THSD7B: variants seen among roughly 807,000 people sequenced by gnomAD.
THSD7B encodes thrombospondin type-1 domain-containing protein 7B.
In THSD7B, 138 loss-of-function variants were observed where a neutral mutation model predicts 213.6. The ratio of observed to expected loss-of-function variants is 0.65; its 90% CI spans 0.56 to 0.74. The LOEUF is 0.74. Ranked by LOEUF, THSD7B falls within the 30% of genes least tolerant of loss-of-function variation. The pLI is 0.00. For synonymous variants in THSD7B, 742 were observed against 687.0 expected (o/e 1.08, Z -1.25); for missense variants, 1,931 against 1,991.5 (o/e 0.97, Z 0.58).
At chr2:137,203,134 A>T (rs1680913093) in intron 7 of THSD7B, among the ~76,000 whole-genome samples, 1 of 152,090 alleles carries the variant, frequency 6.6e-6, no homozygotes, top group African/African-American at 2.4e-5. Flanking sequence ...CAAAAACAGA[A>T]ATCTGATGTA....
chr2:137,187,278 G>C (rs1680568861), intron 7 of THSD7B, among the ~76,000 whole-genome samples: 1 of 152,106 alleles, frequency 6.6e-6, no homozygotes, highest in South Asian at 2.1e-4. Flanking sequence ...TGGACAGGTG[G>C]CTTGTGAACC....
chr2:137,506,265 G>A (rs879740963), intron 15 of THSD7B, among the ~76,000 whole-genome samples: 5 of 152,178 alleles, frequency 3.3e-5, no homozygotes, highest in Admixed American at 1.3e-4. Flanking sequence ...GAACTGAGTC[G>A]TGGCCACAAA....
intron 15 of THSD7B, among the ~76,000 whole-genome samples, chr2:137,554,940 G>A (rs558035159): frequency 2.0e-5 from 3 of 152,264 alleles, no homozygotes; most frequent in East Asian, 3.9e-4. Context: ...AGGGAGCCCC[G>A]CTCACTGCTA....
At chr2:137,065,957 G>A (rs1687367378) in intron 3 of THSD7B, among the ~76,000 whole-genome samples, 1 of 146,564 alleles carries the variant, frequency 6.8e-6, no homozygotes, top group Non-Finnish European at 1.5e-5. Flanking sequence ...ATTTGCATAT[G>A]AAAAATAAAT....
At chr2:136,937,818 G>A (rs62172346) in intron 2 of THSD7B, among the ~76,000 whole-genome samples, 15,413 of 152,240 alleles carry the variant, frequency 0.1, 1,016 homozygotes, top group East Asian at 0.15. Context: ...CTTTGCAGTT[G>A]AAGAGATTTT....
intron 20 of THSD7B, among the ~76,000 whole-genome samples, chr2:137,632,863 C>G (rs990383735): frequency 6.6e-6 from 1 of 152,102 alleles, no homozygotes; most frequent in Non-Finnish European, 1.5e-5. Flanking sequence ...GTCTGTTTTG[C>G]TCTGAAAAGC....
intron 10 of THSD7B, among the ~76,000 whole-genome samples, chr2:137,244,812 G>C (rs905453627): frequency 1.3e-5 from 2 of 151,988 alleles, no homozygotes; most frequent in African/African-American, 4.8e-5. Flanking sequence ...TTTATAGCTT[G>C]GGACTAAGAT....
At chr2:136,961,355 G>A (rs1034620493) in intron 2 of THSD7B, among the ~76,000 whole-genome samples, 5 of 151,132 alleles carry the variant, frequency 3.3e-5, no homozygotes, top group African/African-American at 1.2e-4. Context: ...CGAGTAGCTG[G>A]GACTACAGGC....
chr2:137,512,236 A>G (rs922594782), intron 15 of THSD7B: 4 of 152,234 alleles, frequency 2.6e-5, no homozygotes, highest in Non-Finnish European at 4.4e-5. Flanking sequence ...TGCTTTCTAA[A>G]CAGTGTAATC....
rs144712627 is a variant in THSD7B, at chr2:137,580,544, C to T, written c.3423+7988C>T. On this transcript the variant is annotated intron_variant, in intron 17 of 27. Coordinates refer to ENST00000409968, the MANE Select transcript of THSD7B (RefSeq NM_001316349.2). ...TTTCTTGATATTCACATTATCTTTCCTAGACATACATACTTTATTAGGAAG... is the reference window on the plus strand; with the variant it reads ...TTTCTTGATATTCACATTATCTTTCTTAGACATACATACTTTATTAGGAAG... Among the ~76,000 whole-genome samples the T allele has an allele frequency of 5.2e-3, 787 of 152,158 alleles. 6 individuals are homozygous for T. Among genetic ancestry groups the T allele is most frequent in the African/African-American group, 0.018 (751 of 41,520 alleles).
At position 136,904,081 on chromosome 2, in the gene THSD7B, A is replaced by AAGAATAAG. The variant is rs1684112291; in HGVS notation, c.139+21767_139+21774dup. 2.0e-5 allele frequency among the ~76,000 whole-genome samples: 3 copies of AAGAATAAG among 151,918 alleles called. No individual in the cohort carries two copies. In the East Asian group the frequency reaches 5.8e-4, roughly 29 times the overall value. On this transcript the variant is annotated intron_variant, in intron 2 of 27. Coordinates refer to ENST00000409968, the MANE Select transcript of THSD7B (RefSeq NM_001316349.2). ...CCCAAATGTTCCTCAAGGAGGAGGG[A>AAGAATAAG]AGAATAAGAGGAGGCCTTTTATGGG...
At chr2:137,094,356 A>G (rs1289007207) in intron 3 of THSD7B, among the ~76,000 whole-genome samples, 2 of 152,202 alleles carry the variant, frequency 1.3e-5, no homozygotes, top group Non-Finnish European at 2.9e-5. Flanking sequence ...GGATCACTTG[A>G]GGTCAGGATT....
intron 12 of THSD7B, among the ~76,000 whole-genome samples, chr2:137,384,725 C>A (rs1368877674): frequency 2.0e-5 from 3 of 152,104 alleles, no homozygotes; most frequent in African/African-American, 7.2e-5. Flanking sequence ...GGACTTAATG[C>A]CTTTTCAGGT....
At chr2:136,774,961 A>G (rs1333926136) in intron 1 of THSD7B, among the ~76,000 whole-genome samples, 2 of 152,104 alleles carry the variant, frequency 1.3e-5, no homozygotes, top group Non-Finnish European at 2.9e-5. Context: ...TTCAAAGAGT[A>G]TTTATTGTGC....
intron 14 of THSD7B, among the ~76,000 whole-genome samples, chr2:137,429,712 A>C (rs1687133833): frequency 6.6e-6 from 1 of 152,180 alleles, no homozygotes; most frequent in Non-Finnish European, 1.5e-5. Context: ...ATGAGAGTGC[A>C]TTGTTGTTTG....
chr2:137,301,521 C>T (rs771066600), intron 12 of THSD7B, among the ~76,000 whole-genome samples: 2 of 151,920 alleles, frequency 1.3e-5, no homozygotes, highest in Non-Finnish European at 2.9e-5. Context: ...AAAACTGAAT[C>T]AGGAGAGGAG....
intron 17 of THSD7B, among the ~76,000 whole-genome samples, chr2:137,591,984 A>G (rs1394852114): frequency 3.3e-5 from 5 of 151,458 alleles, no homozygotes; most frequent in African/African-American, 1.2e-4. Flanking sequence ...GTATAGATTA[A>G]TATTTTTGGC....
chr2:137,212,366 A>G (rs1291257186), intron 7 of THSD7B, among the ~76,000 whole-genome samples: 6 of 152,048 alleles, frequency 3.9e-5, no homozygotes, highest in African/African-American at 1.4e-4. Context: ...CACATAAGTT[A>G]TTCTATCAGA....
intron 22 of THSD7B, among the ~76,000 whole-genome samples, chr2:137,656,229 T>C (rs1347458720): frequency 1.3e-5 from 2 of 152,138 alleles, no homozygotes; most frequent in Non-Finnish European, 2.9e-5. Flanking sequence ...GTTTTTATAA[T>C]ACAGTATATA....
Sources: gnomAD v4.1 joint callset for allele counts (sites outside exome capture counted in the v4.1 genomes callset) on GRCh38, gnomAD v4.1.1 for gene constraint, MANE v1.5 for transcripts, NCBI Gene and HGNC (gene_info 2026-07-23, HGNC 2026-07-21) for gene names.